SYNE1: variants seen among roughly 807,000 people sequenced by gnomAD.
SYNE1 encodes the protein nesprin-1.
A neutral mutation model predicts 1,111.0 loss-of-function variants in SYNE1; 616 were observed. The ratio of observed to expected loss-of-function variants is 0.55; its 90% CI spans 0.52 to 0.59. The LOEUF is 0.59. Among genes scored for constraint, SYNE1 ranks in the 20% least tolerant of loss-of-function variants. The pLI is 0.00. For missense variants in SYNE1, 10,006 were observed against 10,417.0 expected (o/e 0.96, Z 1.72); for synonymous variants, 3,855 against 3,825.8 (o/e 1.01, Z -0.28).
intron 3 of SYNE1, among the ~76,000 whole-genome samples, chr6:152,594,041 C>A (rs992993924): frequency 2.6e-5 from 4 of 152,106 alleles, no homozygotes; most frequent in Non-Finnish European, 5.9e-5. Flanking sequence ...TCCGCCCCAT[C>A]CCATTCTGCT....
chr6:152,257,768 T>C (rs2091175988), intron 101 of SYNE1, among the ~76,000 whole-genome samples: 1 of 151,886 alleles, frequency 6.6e-6, no homozygotes, highest in Non-Finnish European at 1.5e-5. Context: ...TCAATAGGTA[T>C]AGAAAAAAGA....
intron 44 of SYNE1, among the ~76,000 whole-genome samples, chr6:152,408,316 C>T (rs767222985): frequency 1.3e-5 from 2 of 152,076 alleles, no homozygotes; most frequent in Non-Finnish European, 2.9e-5. Context: ...TCTGTGGTCA[C>T]GTAGCTAGTA....
chr6:152,251,115 A>G (rs1011791855), intron 104 of SYNE1, among the ~76,000 whole-genome samples: 2 of 151,790 alleles, frequency 1.3e-5, no homozygotes, highest in East Asian at 2.0e-4. Flanking sequence ...ACGTCTGGCT[A>G]ATTTTTTGTA....
intron 117 of SYNE1, among the ~76,000 whole-genome samples, chr6:152,223,338 T>C (rs937637211): frequency 6.6e-6 from 1 of 152,090 alleles, no homozygotes; most frequent in African/African-American, 2.4e-5. Context: ...CTTAAGAAAG[T>C]CGGCCGGGCA....
Position 152,416,368 on chromosome 6 carries a change from G to A in SYNE1, c.6050+19C>T, listed in dbSNP as rs192709624. 2.2e-5 allele frequency: 35 copies of A among 1,613,146 alleles called. No homozygotes were observed. Among genetic ancestry groups the A allele is most frequent in the Middle Eastern group, 1.6e-4 (1 of 6,062 alleles). On this transcript the variant is annotated intron_variant, in intron 41 of 145. Coordinates refer to ENST00000367255, the MANE Select transcript of SYNE1 (RefSeq NM_182961.4). ...TACAAAAGAAAAGAGACAAGTGGCC[G>A]TGACAGTTTCCTATTTACCTCTGCT... is the stretch of plus-strand genomic sequence containing the variant.
At position 152,484,822 on chromosome 6, in the gene SYNE1, T is replaced by C. The variant is rs1210758165; in HGVS notation, c.1185+13A>G. On this transcript the variant is annotated intron_variant, in intron 13 of 145. Coordinates refer to ENST00000367255, the MANE Select transcript of SYNE1 (RefSeq NM_182961.4). ...TTATTAAGCTCAGTATAACTAATTG[T>C]GGGAGAACTTACCCTGGAGGTCACT... is the stretch of plus-strand genomic sequence containing the variant. The C allele has an allele frequency of 1.9e-6, 3 of 1,613,568 alleles. No individual in the cohort carries two copies. The highest frequency in any genetic ancestry group is 2.5e-6 in the Non-Finnish European group (3 of 1,179,722).
In SYNE1 at chr6:152,330,880, A is replaced by T; in HGVS notation, c.13805T>A (p.Leu4602Gln). 6.2e-7 allele frequency: 1 copy of T among 1,614,092 alleles called. No individual in the cohort carries two copies. Among genetic ancestry groups the T allele is most frequent in the South Asian group, 1.1e-5 (1 of 91,082 alleles). Residue 4602 changes from leucine (L) to glutamine (Q), a missense_variant, in exon 78 of 146, where the codon CTG (leucine) becomes CAG (glutamine). Transcript: ENST00000367255. Reference sequence around the variant, plus strand: ...TTCAAGAATGTTTTGGTATTTAGCCAGTTGTGTATGAAGCTCAGAACTCTC... The same window carrying T: ...TTCAAGAATGTTTTGGTATTTAGCCTGTTGTGTATGAAGCTCAGAACTCTC... ...MNESSELHTQLAKYQNILEQS... is the reference protein window; with the variant it reads ...MNESSELHTQQAKYQNILEQS...
chr6:152,597,992 G>A (rs898229692), intron 3 of SYNE1, among the ~76,000 whole-genome samples: 1 of 152,072 alleles, frequency 6.6e-6, no homozygotes, highest in Non-Finnish European at 1.5e-5. Context: ...AAGTGGTAAC[G>A]AAGGCACCAT....
At position 152,350,883 on chromosome 6, in the gene SYNE1, A is replaced by G. The variant is rs527442589; in HGVS notation, c.11581-113T>C. ...TCTACCTCAAAGAAAGATTGTTCATATTTATGAAGCAATAGGTGCAAGACA... is the reference window on the plus strand; with the variant it reads ...TCTACCTCAAAGAAAGATTGTTCATGTTTATGAAGCAATAGGTGCAAGACA... On this transcript the variant is annotated intron_variant, in intron 70 of 145. Transcript: ENST00000367255. 3.1e-5 allele frequency: 41 copies of G among 1,328,738 alleles called. 1 individual carries two copies. In the African/African-American group the frequency reaches 5.5e-4, roughly 18 times the overall value. 82.3% of individuals were successfully genotyped at this position (1,328,738 alleles called of 1,614,324 possible).
intron 78 of SYNE1, 83 bp from the exon 79 acceptor site, chr6:152,326,716 C>T: frequency 7.3e-7 from 1 of 1,368,824 alleles, no homozygotes; most frequent in Non-Finnish European, 1.0e-6. Flanking sequence ...CATTTGTTTT[C>T]CAGTCCTTAG....
In SYNE1 at chr6:152,125,564, C is replaced by G. The variant is rs532458047; in HGVS notation, c.26154-2888G>C. On this transcript the variant is annotated intron_variant, in intron 145 of 145. Transcript: ENST00000367255. ...CACAAACTTTGGATCAAATTTTCTT[C>G]AAAACATCCTTCCCCTGACTTTAAA... 1.7e-5 allele frequency: 9 copies of G among 541,450 alleles called. No homozygotes were observed. The South Asian group carries it at 4.3e-4, about 26-fold the overall frequency. 33.5% of individuals were successfully genotyped at this position (541,450 alleles called of 1,614,324 possible).
rs56379838 is a variant in SYNE1 at position 152,328,380 on chromosome 6, TTTTATTTA to T, written c.14955+1342_14955+1349del. ...GCACTATTTTTCTCTTCTTATTTTA[TTTTATTTA>T]TTTATTTATTTATTTATTTATTTAT... is the stretch of plus-strand genomic sequence containing the variant. On this transcript the variant is annotated intron_variant, in intron 78 of 145. Transcript: ENST00000367255. Among the ~76,000 whole-genome samples, 655 of 137,546 alleles carry T rather than the reference TTTTATTTA, an allele frequency of 4.8e-3. 3 individuals are homozygous for T. Among genetic ancestry groups the T allele is most frequent in the South Asian group, 0.011 (47 of 4,312 alleles). 90.2% of individuals were successfully genotyped at this position (137,546 alleles called of 152,430 possible). A position where few individuals can be genotyped will look rare whatever the true frequency, so the allele number is the denominator to read the frequency against.
rs1330940562 is a variant in SYNE1, at chr6:152,310,800, C to T, written c.16784G>A (p.Ser5595Asn). 2 of 1,614,112 alleles carry T rather than the reference C, an allele frequency of 1.2e-6. No homozygotes were observed. The highest frequency in any genetic ancestry group is 1.7e-6 in the Non-Finnish European group (2 of 1,180,010). Residue 5595 changes from serine (S) to asparagine (N), a missense_variant, in exon 88 of 146, where the codon AGC (serine) becomes AAC (asparagine). Ser to Asn is a conservative substitution (Grantham distance 46). Coordinates refer to ENST00000367255, the MANE Select transcript of SYNE1 (RefSeq NM_182961.4). Reference sequence around the variant, plus strand: ...AGACATTTTTTCTGTACAGTACACGCTAGTGAGGTACTGTAATTTCTCAGT... The same window carrying T: ...AGACATTTTTTCTGTACAGTACACGTTAGTGAGGTACTGTAATTTCTCAGT... ...AMTEKLQYLT[S>N]VYCTEKMSQQ...
chr6:152,161,572 T>C (rs2062511870), intron 131 of SYNE1, among the ~76,000 whole-genome samples: 1 of 152,126 alleles, frequency 6.6e-6, no homozygotes, highest in Admixed American at 6.5e-5. Context: ...TTTGTTTACA[T>C]TTTCTTTCTC....
intron 3 of SYNE1, among the ~76,000 whole-genome samples, chr6:152,545,711 G>A (rs369470335): frequency 1.3e-5 from 2 of 152,190 alleles, no homozygotes; most frequent in African/African-American, 4.8e-5. Context: ...ACATTTATAG[G>A]AGCTTGCAAT....
chr6:152,341,908 T>C (rs1355507397), intron 74 of SYNE1, among the ~76,000 whole-genome samples: 2 of 152,082 alleles, frequency 1.3e-5, no homozygotes, highest in African/African-American at 4.8e-5. Context: ...TTCTAAGACC[T>C]ACCGATGGAA....
intron 21 of SYNE1, among the ~76,000 whole-genome samples, chr6:152,460,232 C>T (rs530021157): frequency 2.6e-5 from 4 of 152,300 alleles, no homozygotes; most frequent in Non-Finnish European, 5.9e-5. Context: ...GAAATGTTGA[C>T]TTCAAATTGT....
chr6:152,174,575 G>T (rs1274278139), intron 130 of SYNE1, among the ~76,000 whole-genome samples: 1 of 152,120 alleles, frequency 6.6e-6, no homozygotes, highest in East Asian at 1.9e-4. Flanking sequence ...AGATTGTCGA[G>T]ATCAAAAACA....
intron 20 of SYNE1, 42 bp from the exon 21 acceptor site, chr6:152,461,782 T>C: frequency 6.2e-7 from 1 of 1,613,294 alleles, no homozygotes. Context: ...ACATGACACA[T>C]TTCCTCTTAA....
Sources: gnomAD v4.1 joint callset for allele counts (sites outside exome capture counted in the v4.1 genomes callset) on GRCh38, gnomAD v4.1.1 for gene constraint, MANE v1.5 for transcripts, NCBI Gene and HGNC (gene_info 2026-07-23, HGNC 2026-07-21) for gene names.